Variants in IMMP2L observed in about 807,000 individuals in gnomAD.
IMMP2L encodes mitochondrial inner membrane protease subunit 2.
Under a neutral mutation model 19.3 loss-of-function variants are expected in IMMP2L, and 18 were observed. That is an observed-to-expected ratio of 0.93 (90% CI 0.64 to 1.38). The LOEUF is 1.38. Ranked by LOEUF, IMMP2L falls within the 40% of genes most tolerant of loss-of-function variation. The probability of loss-of-function intolerance (pLI) is 0.00; values close to 1 mark genes in which losing one functional copy is unlikely to be tolerated. For synonymous variants in IMMP2L, 76 were observed against 73.0 expected, an observed-to-expected ratio of 1.04 and a Z score of -0.21; for missense variants, 233 against 218.2, an observed-to-expected ratio of 1.07 and a Z score of -0.43.
chr7:111,402,123 A>AAATAAT lies in IMMP2L; in HGVS notation c.239+85109_239+85114dup, dbSNP rs59071691. Among the ~76,000 whole-genome samples the AAATAAT allele has an allele frequency of 4.3e-3, 586 of 137,342 alleles. 7 individuals are homozygous for AAATAAT. The highest frequency in any genetic ancestry group is 7.4e-3 in the Middle Eastern group (2 of 270). 90.1% of individuals were successfully genotyped at this position (137,342 alleles called of 152,430 possible). The stretch of plus-strand genomic sequence containing the variant: ...ACCACATAGCAAGACCCCATCTCAA[A>AAATAAT]AATAATAATAATAATAATAATAATA... On this transcript the variant is annotated intron_variant, in intron 3 of 5. Transcript: ENST00000405709.
chr7:110,944,401 A>C (rs1279427679), intron 4 of IMMP2L, among the ~76,000 whole-genome samples: 1 of 151,996 alleles, frequency 6.6e-6, no homozygotes, highest in East Asian at 1.9e-4. Flanking sequence ...CAAGAAGATA[A>C]GCATGAAAGT....
intron 5 of IMMP2L, among the ~76,000 whole-genome samples, chr7:110,765,510 G>C (rs948054377): frequency 6.6e-6 from 1 of 151,706 alleles, no homozygotes; most frequent in Non-Finnish European, 1.5e-5. Flanking sequence ...TTTTTTCTTC[G>C]ATATGACATT....
In IMMP2L at chr7:111,123,333, T is replaced by A. The variant is rs1163657538; in HGVS notation, c.240-159768A>T. Reference sequence around the variant, plus strand: ...TCAACAGTAAGTGGTTTGATGCTCTTCCAAATCTAGAGATTCTGATGATTG... The same window carrying A: ...TCAACAGTAAGTGGTTTGATGCTCTACCAAATCTAGAGATTCTGATGATTG... On this transcript the variant is annotated intron_variant, in intron 3 of 5. Transcript: ENST00000405709. The surrounding 1 kb of genome is among the most constrained non-coding windows in gnomAD (Gnocchi z 6.4). 6.2e-7 allele frequency: 1 copy of A among 1,613,862 alleles called. No individual in the cohort carries two copies. The highest frequency in any genetic ancestry group is 2.2e-5 in the East Asian group (1 of 44,862).
At chr7:111,448,011 T>C (rs1475963869) in intron 3 of IMMP2L, among the ~76,000 whole-genome samples, 1 of 143,290 alleles carries the variant, frequency 7.0e-6, no homozygotes. Flanking sequence ...GAGCTAACTA[T>C]CCTAAATATA....
intron 5 of IMMP2L, among the ~76,000 whole-genome samples, chr7:110,763,148 A>G (rs114636244): frequency 1.1e-3 from 160 of 152,272 alleles, no homozygotes; most frequent in African/African-American, 3.5e-3. Context: ...CATCCTGAGA[A>G]AAAGAAATCA....
intron 4 of IMMP2L, among the ~76,000 whole-genome samples, chr7:110,903,570 G>GT (rs1812132697): frequency 1.3e-5 from 2 of 152,100 alleles, no homozygotes; most frequent in African/African-American, 4.8e-5. Flanking sequence ...GTTCATCCAC[G>GT]TTGTTGCATA....
chr7:110,841,886 A>G (rs1236779115), intron 5 of IMMP2L, among the ~76,000 whole-genome samples: 1 of 152,182 alleles, frequency 6.6e-6, no homozygotes, highest in Non-Finnish European at 1.5e-5. Context: ...GAGTTTCAAA[A>G]TATACAAACA....
chr7:111,254,348 A>T (rs575317853), intron 3 of IMMP2L, among the ~76,000 whole-genome samples: 2 of 152,206 alleles, frequency 1.3e-5, no homozygotes, highest in South Asian at 2.1e-4. Flanking sequence ...AATATATGCA[A>T]ATCTGCAAAG....
At chr7:111,170,043 A>G (rs1806255046) in intron 3 of IMMP2L, among the ~76,000 whole-genome samples, 1 of 151,934 alleles carries the variant, frequency 6.6e-6, no homozygotes, top group South Asian at 2.1e-4. Flanking sequence ...TGCTGATGAA[A>G]TACATTCATA....
rs529210101 is a variant in IMMP2L, at chr7:111,386,287, T to A, written c.239+100951A>T. ...CCTTCCTATGCCCAGTTTTCCCCAA[T>A]CCTTAATATCATTGCTCTTTTTAGA... On this transcript the variant is annotated intron_variant, in intron 3 of 5. Transcript: ENST00000405709. Among the ~76,000 whole-genome samples, 16 of 152,232 alleles carry A rather than the reference T, an allele frequency of 1.1e-4. No individual in the cohort carries two copies. In the East Asian group the frequency reaches 3.1e-3, roughly 29 times the overall value.
At chr7:111,474,200 T>C (rs1037394044) in intron 3 of IMMP2L, among the ~76,000 whole-genome samples, 31 of 152,076 alleles carry the variant, frequency 2.0e-4, no homozygotes, top group Admixed American at 1.8e-3. Context: ...GGGAAAAAGG[T>C]TGATAAACTA....
At chr7:111,542,981 A>G (rs1179384160) in intron 1 of IMMP2L, among the ~76,000 whole-genome samples, 1 of 152,152 alleles carries the variant, frequency 6.6e-6, no homozygotes, top group South Asian at 2.1e-4. Context: ...TATCTTCTAC[A>G]TTTATTACCT....
intron 3 of IMMP2L, among the ~76,000 whole-genome samples, chr7:111,048,256 A>AAG (rs1792631880): frequency 2.2e-5 from 2 of 91,968 alleles, no homozygotes; most frequent in South Asian, 7.8e-4. Context: ...AAAAAAAAAA[A>AAG]AAAAAAAAAG....
chr7:111,522,837 T>C lies in IMMP2L; in HGVS notation c.-2-1388A>G, dbSNP rs185019036. ...TATTGAAGAGATATTTGCACTCTTA[T>C]GTTTATCACAGCACTATTCACAATA... On this transcript the variant is annotated intron_variant, in intron 1 of 5. Coordinates refer to ENST00000405709, the MANE Select transcript of IMMP2L (RefSeq NM_032549.4). Among the ~76,000 whole-genome samples, 302 of 151,452 alleles carry C rather than the reference T, an allele frequency of 2.0e-3. 3 individuals are homozygous for C. The highest frequency in any genetic ancestry group is 7.0e-3 in the African/African-American group (286 of 40,980).
intron 2 of IMMP2L, among the ~76,000 whole-genome samples, chr7:111,494,664 G>A (rs1843427336): frequency 6.6e-6 from 1 of 151,956 alleles, no homozygotes; most frequent in Admixed American, 6.6e-5. Flanking sequence ...TATAAAATGG[G>A]GACTGACTGC....
At chr7:111,460,308 C>A (rs963237515) in intron 3 of IMMP2L, among the ~76,000 whole-genome samples, 3 of 152,096 alleles carry the variant, frequency 2.0e-5, no homozygotes, top group African/African-American at 7.2e-5. Flanking sequence ...ATATTTCTTT[C>A]ACAAATACAG....
At chr7:111,035,299 T>G (rs1434265303) in intron 3 of IMMP2L, among the ~76,000 whole-genome samples, 2 of 152,162 alleles carry the variant, frequency 1.3e-5, no homozygotes, top group African/African-American at 4.8e-5. Flanking sequence ...TGTTTACACC[T>G]TTCCACAAAA....
chr7:111,436,510 T>TACAC (rs1450356012), intron 3 of IMMP2L, among the ~76,000 whole-genome samples: 3 of 151,174 alleles, frequency 2.0e-5, no homozygotes, highest in African/African-American at 4.9e-5. Context: ...CTTTTTTTCT[T>TACAC]ACACACACAC....
At chr7:110,894,713 G>A (rs555485373) in intron 4 of IMMP2L, among the ~76,000 whole-genome samples, 2 of 152,078 alleles carry the variant, frequency 1.3e-5, no homozygotes, top group East Asian at 1.9e-4. Flanking sequence ...TAATTCTGAT[G>A]AAGTCTATTT....
Sources: allele counts gnomAD v4.1 joint callset (sites outside exome capture counted in the v4.1 genomes callset), GRCh38; gene constraint gnomAD v4.1.1; non-coding constraint Gnocchi (gnomAD v3.1); transcripts MANE v1.5; gene names NCBI Gene and HGNC (gene_info 2026-07-23, HGNC 2026-07-21).